The following QTMAN variants were observed in gnomAD, a reference collection of about 807,000 sequenced individuals.
The protein encoded by QTMAN is tRNA-queuosine alpha-mannosyltransferase.
the QTMAN span, among the ~76,000 whole-genome samples, chr2:144,309,067 G>T: frequency 6.6e-6 from 1 of 152,112 alleles, no homozygotes. Flanking sequence ...ACCACAAAGA[G>T]ATACCAGTAT....
chr2:144,184,619 A>T, the QTMAN span, among the ~76,000 whole-genome samples: 3 of 152,126 alleles, frequency 2.0e-5, no homozygotes, highest in African/African-American at 7.2e-5. Context: ...GATTTTTTTT[A>T]GATGCTTCCA....
At chr2:144,155,056 A>T in the QTMAN span, among the ~76,000 whole-genome samples, 1 of 152,208 alleles carries the variant, frequency 6.6e-6, no homozygotes, top group East Asian at 1.9e-4. Context: ...ATCCATGCCC[A>T]TGGGTGCTTA....
At chr2:144,116,705 T>C in the QTMAN span, among the ~76,000 whole-genome samples, 3 of 152,232 alleles carry the variant, frequency 2.0e-5, no homozygotes, top group Non-Finnish European at 4.4e-5. Flanking sequence ...TGTATCTTCA[T>C]ATCACTGTAG....
At chr2:144,122,759 G>A in the QTMAN span, among the ~76,000 whole-genome samples, 1 of 152,138 alleles carries the variant, frequency 6.6e-6, no homozygotes, top group Non-Finnish European at 1.5e-5. Flanking sequence ...TCCTTAACCT[G>A]GGAAGCTTAA....
At chr2:144,164,908 T>A in the QTMAN span, among the ~76,000 whole-genome samples, 1 of 152,216 alleles carries the variant, frequency 6.6e-6, no homozygotes, top group East Asian at 1.9e-4. Context: ...AGTCACCCAA[T>A]TCTAAGAATC....
chr2:144,095,733 A>G, the QTMAN span, among the ~76,000 whole-genome samples: 8 of 152,158 alleles, frequency 5.3e-5, no homozygotes, highest in African/African-American at 1.9e-4. Context: ...CACTTCCGCC[A>G]GCATTGCAAT....
the QTMAN span, among the ~76,000 whole-genome samples, chr2:144,273,739 A>T: frequency 7.9e-5 from 12 of 152,234 alleles, no homozygotes; most frequent in Non-Finnish European, 1.3e-4. Context: ...TTTAAATTAT[A>T]GAATTCTGGA....
the QTMAN span, among the ~76,000 whole-genome samples, chr2:144,287,670 T>C: frequency 2.6e-5 from 4 of 152,134 alleles, no homozygotes; most frequent in Non-Finnish European, 1.5e-5. Context: ...AACCTCCCAA[T>C]AAAGCCTTAT....
At chr2:143,995,372 G>A in the QTMAN span, among the ~76,000 whole-genome samples, 1 of 152,018 alleles carries the variant, frequency 6.6e-6, no homozygotes, top group East Asian at 1.9e-4. Flanking sequence ...AAGAGACAGT[G>A]GGCAAAAGTG....
At chr2:144,198,278 A>G in the QTMAN span, among the ~76,000 whole-genome samples, 1 of 152,140 alleles carries the variant, frequency 6.6e-6, no homozygotes, top group African/African-American at 2.4e-5. Flanking sequence ...CTTGTACTCA[A>G]TTCACGTGGT....
the QTMAN span, among the ~76,000 whole-genome samples, chr2:144,283,430 G>A: frequency 6.6e-6 from 1 of 152,076 alleles, no homozygotes. Context: ...AAAAACAGTT[G>A]TTTTCTCCTA....
At chr2:143,945,421 T>C in the QTMAN span, 3 of 152,454 alleles carry the variant, frequency 2.0e-5, no homozygotes, top group Admixed American at 6.5e-5. Context: ...TCTGTTCAGA[T>C]GGAGCTTCTT....
the QTMAN span, among the ~76,000 whole-genome samples, chr2:144,193,892 AAAAG>A: frequency 3.9e-5 from 6 of 152,172 alleles, no homozygotes; most frequent in Admixed American, 1.3e-4. Context: ...TGAAATAGTT[AAAAG>A]AGAGAATAAA....
At chr2:144,126,684 G>A in the QTMAN span, among the ~76,000 whole-genome samples, 3 of 151,928 alleles carry the variant, frequency 2.0e-5, no homozygotes, top group Non-Finnish European at 4.4e-5. Context: ...CCAGCTGTAT[G>A]TTGTTTCACT....
the QTMAN span, among the ~76,000 whole-genome samples, chr2:143,990,117 T>C: frequency 1.3e-5 from 2 of 152,014 alleles, no homozygotes; most frequent in Admixed American, 6.5e-5. Flanking sequence ...AAGTCTTATC[T>C]GCTAGATTAC....
chr2:144,027,730 A>G, the QTMAN span, among the ~76,000 whole-genome samples: 1 of 152,236 alleles, frequency 6.6e-6, no homozygotes, highest in Non-Finnish European at 1.5e-5. Context: ...ACACACACGC[A>G]CACCCAGAGA....
chr2:144,175,093 G>T, the QTMAN span, among the ~76,000 whole-genome samples: 3 of 151,996 alleles, frequency 2.0e-5, no homozygotes, highest in Admixed American at 2.0e-4. Flanking sequence ...GGAGTCTTTG[G>T]ATACAATTTA....
chr2:144,120,378 C>A, the QTMAN span, among the ~76,000 whole-genome samples: 1 of 152,194 alleles, frequency 6.6e-6, no homozygotes, highest in Non-Finnish European at 1.5e-5. Context: ...AACTCCCTCA[C>A]CTTCTGGGTT....
the QTMAN span, among the ~76,000 whole-genome samples, chr2:144,313,856 CTGGCTTTG>C: frequency 6.6e-6 from 1 of 151,400 alleles, no homozygotes; most frequent in Non-Finnish European, 1.5e-5. Flanking sequence ...TACAGGCTCT[CTGGCTTTG>C]TAAAAATCAT....
Sources: gnomAD v4.1 joint callset for allele counts (sites outside exome capture counted in the v4.1 genomes callset) on GRCh38, gnomAD v4.1.1 for gene constraint, MANE v1.5 for transcripts, NCBI Gene and HGNC (gene_info 2026-07-23, HGNC 2026-07-21) for gene names.